MLPH: variants seen among roughly 807,000 people sequenced by gnomAD.
The protein encoded by MLPH is exophilin-3.
A neutral mutation model predicts 72.1 loss-of-function variants in MLPH; 51 were observed. The observed-to-expected ratio is 0.71, with a 90% CI of 0.56 to 0.89. The LOEUF is 0.89. MLPH is among the 40% of genes least tolerant of loss of function. MLPH has a pLI of 0.00. For missense variants in MLPH, 743 were observed against 759.9 expected (o/e 0.98, Z 0.26); for synonymous variants, 301 against 310.1 (o/e 0.97, Z 0.31).
Position 237,526,062 on chromosome 2 carries a change from A to G in MLPH, c.880+257A>G, listed in dbSNP as rs11890307. ...GGCCAGCCCACAGCTCCCTGCTTCCAGCCTGGGGTGGGACATGCAGGCCTC... is the reference window on the plus strand; with the variant it reads ...GGCCAGCCCACAGCTCCCTGCTTCCGGCCTGGGGTGGGACATGCAGGCCTC... On this transcript the variant is annotated intron_variant, in intron 7 of 15. Transcript: ENST00000264605. 0.17 allele frequency among the ~76,000 whole-genome samples: 25,315 copies of G among 152,142 alleles called. 2,332 individuals carry two copies. Among genetic ancestry groups the G allele is most frequent in the African/African-American group, 0.23 (9,565 of 41,476 alleles).
chr2:237,535,173 C>T (rs1303009021), intron 9 of MLPH, among the ~76,000 whole-genome samples: 2 of 152,158 alleles, frequency 1.3e-5, no homozygotes, highest in African/African-American at 4.8e-5. Context: ...GGCCTTCTTG[C>T]TGTGTCACCA....
At chr2:237,496,864 C>G (rs2079546616) in intron 2 of MLPH, among the ~76,000 whole-genome samples, 1 of 152,184 alleles carries the variant, frequency 6.6e-6, no homozygotes, top group African/African-American at 2.4e-5. Flanking sequence ...ACTGAATGCC[C>G]AAGTGGCATT....
intron 12 of MLPH, 199 bp from the exon 13 acceptor site, chr2:237,546,407 C>G: frequency 1.6e-6 from 1 of 612,844 alleles, no homozygotes; most frequent in Non-Finnish European, 2.9e-6. Context: ...CCCTGGGTAT[C>G]CTGTATTTTC....
At chr2:237,534,420 C>G in intron 8 of MLPH, 144 bp from the exon 9 acceptor site, 1 of 734,154 alleles carries the variant, frequency 1.4e-6, no homozygotes. Context: ...CACAATTAAC[C>G]TTCCCAGGCC....
At chr2:237,536,523 G>A (rs1298418447) in intron 9 of MLPH, among the ~76,000 whole-genome samples, 3 of 152,184 alleles carry the variant, frequency 2.0e-5, no homozygotes, top group Admixed American at 6.5e-5. Context: ...GGGAAGTTAG[G>A]GAGAGCATTG....
rs556538223 is a variant in MLPH, at chr2:237,553,571, T to C, written c.1782T>C (p.Pro594=). The C allele has an allele frequency of 1.2e-6, 2 of 1,614,202 alleles. No individual in the cohort carries two copies. Among genetic ancestry groups the C allele is most frequent in the South Asian group, 1.1e-5 (1 of 91,080 alleles). The change falls in exon 16 of 16, where the codon CCT becomes CCC. Residue 594 remains proline, a synonymous_variant. Transcript: ENST00000264605. ...KGMASHTFAK[P]VVAHQS ...TGTGTGTTTGTACTTTACAGAAACC[T>C]GTGGTGGCCCACCAGTCCTAACGGG...
Position 237,505,989 on chromosome 2 carries a change from G to A in MLPH, c.111-4585G>A, listed in dbSNP as rs747428954. 1.0e-4 allele frequency among the ~76,000 whole-genome samples: 12 copies of A among 120,152 alleles called. No individual in the cohort carries two copies. Among genetic ancestry groups the A allele is most frequent in the African/African-American group, 3.4e-4 (4 of 11,792 alleles). The allele number at this position is 120,152 out of a possible 152,430, so 78.8% of individuals were successfully genotyped here. ...GTCTCCCCTGGGAGCTCACTTTCTC[G>A]GCCTTTGCCATCATCTCCCCACTGT... On this transcript the variant is annotated intron_variant, in intron 2 of 15. Coordinates refer to ENST00000264605, the MANE Select transcript of MLPH (RefSeq NM_024101.7). This position sits in a 1 kb window ranked among gnomAD's most constrained non-coding sequence, Gnocchi z 4.5.
In MLPH at chr2:237,510,730, CA is replaced by C; in HGVS notation, c.271del (p.Ser91AlafsTer23). The C allele has an allele frequency of 6.2e-7, 1 of 1,613,718 alleles. No homozygotes were observed. The highest frequency in any genetic ancestry group is 8.5e-7 in the Non-Finnish European group (1 of 1,180,034). ...QCLECGLFTC[K>X]SCGRVHPEEQ... ...GCCTGGAATGTGGCCTCTTCACCTG[CA>C]AAAGCTGTGGCCGCGTCCACCCGGA... On this transcript the variant is annotated frameshift_variant, in exon 3 of 16. Coordinates refer to ENST00000264605, the MANE Select transcript of MLPH (RefSeq NM_024101.7). LOFTEE classifies it high-confidence loss of function. This position sits in a 1 kb window ranked among gnomAD's most constrained non-coding sequence, Gnocchi z 4.4.
intron 14 of MLPH, 134 bp from the exon 15 acceptor site, chr2:237,552,203 G>T (rs914765042): frequency 1.8e-5 from 12 of 679,716 alleles, no homozygotes; most frequent in Admixed American, 5.3e-5. Flanking sequence ...TAAAAAATAT[G>T]TGATGTGGAA....
At chr2:237,550,860 G>C (rs2081023518) in intron 14 of MLPH, among the ~76,000 whole-genome samples, 1 of 152,078 alleles carries the variant, frequency 6.6e-6, no homozygotes, top group African/African-American at 2.4e-5. Context: ...AGAGATTCAT[G>C]TTTGTAGCAG....
At chr2:237,553,258 A>G (rs2081073746) in intron 15 of MLPH, 4 of 531,222 alleles carry the variant, frequency 7.5e-6, no homozygotes, top group South Asian at 6.9e-5. Flanking sequence ...TCTGAGATGC[A>G]GTGGAAAGGG....
intron 8 of MLPH, 138 bp from the exon 9 acceptor site, chr2:237,534,426 A>G: frequency 1.3e-6 from 1 of 754,088 alleles, no homozygotes; most frequent in Admixed American, 1.9e-5. Context: ...TAACCTTCCC[A>G]GGCCATGTCA....
chr2:237,527,289 G>A, intron 7 of MLPH, 88 bp from the exon 8 acceptor site: 2 of 1,537,078 alleles, frequency 1.3e-6, no homozygotes, highest in Middle Eastern at 1.7e-4. Context: ...CATTTTCTTT[G>A]AGCCTCATTT....
intron 4 of MLPH, among the ~76,000 whole-genome samples, chr2:237,516,113 G>T (rs1391458659): frequency 3.3e-5 from 5 of 152,252 alleles, no homozygotes. Flanking sequence ...CAAGGGGCAG[G>T]TCCCAGGGCA....
chr2:237,551,748 C>T (rs1040584945), intron 14 of MLPH, among the ~76,000 whole-genome samples: 3 of 152,114 alleles, frequency 2.0e-5, no homozygotes, highest in Non-Finnish European at 4.4e-5. Flanking sequence ...GAGGCCAAGG[C>T]GGGCGGATCA....
At position 237,541,013 on chromosome 2, in the gene MLPH, A is replaced by T. The variant is rs560588871; in HGVS notation, c.1446+56A>T. Reference sequence around the variant, plus strand: ...TTCCACAAACACAGATGGTGACCACACCCAGGCCTTGAACATCTGCCAGCT... The same window carrying T: ...TTCCACAAACACAGATGGTGACCACTCCCAGGCCTTGAACATCTGCCAGCT... On this transcript the variant is annotated intron_variant, in intron 11 of 15. Coordinates refer to ENST00000264605, the MANE Select transcript of MLPH (RefSeq NM_024101.7). This position sits in a 1 kb window ranked among gnomAD's most constrained non-coding sequence, Gnocchi z 5.1. 6 of 1,555,948 alleles carry T rather than the reference A, an allele frequency of 3.9e-6. No homozygotes were observed. The highest frequency in any genetic ancestry group is 4.4e-6 in the Non-Finnish European group (5 of 1,149,292).
Position 237,542,611 on chromosome 2 carries a change from G to A in MLPH, c.1491G>A (p.Gly497=). 1.2e-6 allele frequency: 2 copies of A among 1,603,040 alleles called. No individual in the cohort carries two copies. The highest frequency in any genetic ancestry group is 1.7e-6 in the Non-Finnish European group (2 of 1,175,768). ...GGATTGCAGCCCTGAGGGCCGCAGGGCTCACGGTGAAGCCCTCGGGAAAGC... is the reference window on the plus strand; with the variant it reads ...GGATTGCAGCCCTGAGGGCCGCAGGACTCACGGTGAAGCCCTCGGGAAAGC... The part of the protein sequence containing the change: ...ESRIAALRAA[G]LTVKPSGKPR... The change falls in exon 12 of 16, where the codon GGG becomes GGA. Residue 497 remains glycine (G), a synonymous_variant. Coordinates refer to ENST00000264605, the MANE Select transcript of MLPH (RefSeq NM_024101.7).
In MLPH at chr2:237,507,058, T is replaced by C. The variant is rs1322564685; in HGVS notation, c.111-3516T>C. 2.8e-5 allele frequency among the ~76,000 whole-genome samples: 4 copies of C among 142,932 alleles called. No individual in the cohort carries two copies. The Admixed American group carries it at 2.9e-4, about 10-fold the overall frequency. 93.8% of individuals were successfully genotyped at this position (142,932 alleles called of 152,430 possible). ...GTAGTTTTTTTCCTTTTTCTTTTTT[T>C]TTTCTTTTTTTTTTTTTTTTTTTTT... On this transcript the variant is annotated intron_variant, in intron 2 of 15. Coordinates refer to ENST00000264605, the MANE Select transcript of MLPH (RefSeq NM_024101.7).
At chr2:237,518,696 C>T (rs370905669) in intron 5 of MLPH, 48 bp downstream of exon 5, 222 of 1,447,464 alleles carry the variant, frequency 1.5e-4, no homozygotes, top group Middle Eastern at 2.3e-4. Context: ...GATTCCATCC[C>T]GCAGCTGGGA....
Sources: allele counts gnomAD v4.1 joint callset (sites outside exome capture counted in the v4.1 genomes callset), GRCh38; gene constraint gnomAD v4.1.1; non-coding constraint Gnocchi (gnomAD v3.1); transcripts MANE v1.5; gene names NCBI Gene and HGNC (gene_info 2026-07-23, HGNC 2026-07-21).